The following ADAMTS19 variants were observed in gnomAD, a reference collection of about 807,000 sequenced individuals.
ADAMTS19 encodes A disintegrin and metalloproteinase with thrombospondin motifs 19.
A neutral mutation model predicts 153.3 loss-of-function variants in ADAMTS19; 93 were observed. The ratio of observed to expected loss-of-function variants is 0.61; its 90% CI spans 0.51 to 0.72. The LOEUF (loss-of-function observed/expected upper bound fraction) is 0.72. Among genes scored for constraint, ADAMTS19 ranks in the 30% least tolerant of loss-of-function variants. The pLI is 0.00. For synonymous variants in ADAMTS19, 600 were observed against 556.6 expected (o/e 1.08, Z -1.10); for missense variants, 1,482 against 1,552.1 (o/e 0.95, Z 0.76).
chr5:129,585,299 C>T (rs563951627), intron 7 of ADAMTS19, among the ~76,000 whole-genome samples: 18 of 151,868 alleles, frequency 1.2e-4, no homozygotes, highest in South Asian at 4.2e-4. Context: ...CCACTTTCTG[C>T]GTTGATCTGG....
intron 2 of ADAMTS19, among the ~76,000 whole-genome samples, chr5:129,494,990 C>A (rs1750881708): frequency 6.6e-6 from 1 of 151,962 alleles, no homozygotes; most frequent in African/African-American, 2.4e-5. Flanking sequence ...ACTTTTGAGC[C>A]ATAAGAAAGA....
At position 129,550,077 on chromosome 5, in the gene ADAMTS19, T is replaced by G. The variant is rs537007661; in HGVS notation, c.1329-1787T>G. Among the ~76,000 whole-genome samples the G allele has an allele frequency of 3.7e-4, 39 of 106,608 alleles. 1 individual carries two copies. Among genetic ancestry groups the G allele is most frequent in the African/African-American group, 1.4e-3 (38 of 28,064 alleles). 69.9% of individuals were successfully genotyped at this position (106,608 alleles called of 152,430 possible). Reference sequence around the variant, plus strand: ...GTATATGTATGTATCTAGATATACATATACATGTATCTGTATATGTATGTA... The same window carrying G: ...GTATATGTATGTATCTAGATATACAGATACATGTATCTGTATATGTATGTA... On this transcript the variant is annotated intron_variant, in intron 6 of 22. Coordinates refer to ENST00000274487, the MANE Select transcript of ADAMTS19 (RefSeq NM_133638.6).
intron 6 of ADAMTS19, among the ~76,000 whole-genome samples, chr5:129,548,421 A>G (rs1752942471): frequency 6.6e-6 from 1 of 152,004 alleles, no homozygotes; most frequent in Non-Finnish European, 1.5e-5. Context: ...AAAACACATG[A>G]AAAATGCTCA....
intron 2 of ADAMTS19, among the ~76,000 whole-genome samples, chr5:129,487,459 A>C (rs904623530): frequency 2.0e-5 from 3 of 152,048 alleles, no homozygotes; most frequent in Non-Finnish European, 4.4e-5. Context: ...TTTGAGGTCT[A>C]TTTTTAAATT....
intron 2 of ADAMTS19, among the ~76,000 whole-genome samples, chr5:129,489,960 AT>A (rs2126687580): frequency 6.6e-6 from 1 of 152,344 alleles, no homozygotes; most frequent in South Asian, 2.1e-4. Context: ...GCATTAAATA[AT>A]TTTCTGAACT....
At chr5:129,512,042 G>A (rs1751453156) in intron 3 of ADAMTS19, among the ~76,000 whole-genome samples, 1 of 151,980 alleles carries the variant, frequency 6.6e-6, no homozygotes, top group Non-Finnish European at 1.5e-5. Context: ...ACACAGCCCT[G>A]GAAAAGTGGT....
At position 129,460,377 on chromosome 5, in the gene ADAMTS19, C is replaced by G; in HGVS notation, c.-15C>G. ...GCGTGCGCCGGGCGAGAAGCCGCGG[C>G]CGCGGGAGCGCAGTATGGGGAAGAA... is the stretch of plus-strand genomic sequence containing the variant. On this transcript the variant is annotated 5_prime_UTR_variant, in exon 1 of 23. Coordinates refer to ENST00000274487, the MANE Select transcript of ADAMTS19 (RefSeq NM_133638.6). 1.2e-6 allele frequency: 2 copies of G among 1,610,962 alleles called. No individual in the cohort carries two copies. Among genetic ancestry groups the G allele is most frequent in the Non-Finnish European group, 1.7e-6 (2 of 1,178,832 alleles).
At chr5:129,584,756 C>T (rs1749698022) in intron 7 of ADAMTS19, among the ~76,000 whole-genome samples, 1 of 152,188 alleles carries the variant, frequency 6.6e-6, no homozygotes, top group Non-Finnish European at 1.5e-5. Context: ...CTCCACCAAG[C>T]TTGACCATCC....
intron 2 of ADAMTS19, among the ~76,000 whole-genome samples, chr5:129,474,563 T>C (rs1750165104): frequency 6.6e-6 from 1 of 152,144 alleles, no homozygotes; most frequent in Non-Finnish European, 1.5e-5. Flanking sequence ...CAACAATACT[T>C]GTTTATATAC....
intron 16 of ADAMTS19, among the ~76,000 whole-genome samples, chr5:129,670,938 C>T (rs1754275388): frequency 6.6e-6 from 1 of 152,158 alleles, no homozygotes; most frequent in African/African-American, 2.4e-5. Context: ...ACCGTAAATT[C>T]TCCTTGTGCT....
At chr5:129,626,071 G>T (rs1338647350) in intron 10 of ADAMTS19, among the ~76,000 whole-genome samples, 2 of 152,004 alleles carry the variant, frequency 1.3e-5, no homozygotes, top group African/African-American at 2.4e-5. Flanking sequence ...ATACCATATT[G>T]TCTAGTCCTA....
chr5:129,560,592 A>G (rs545979288), intron 7 of ADAMTS19, among the ~76,000 whole-genome samples: 6 of 152,210 alleles, frequency 3.9e-5, no homozygotes, highest in Non-Finnish European at 7.4e-5. Flanking sequence ...TCAGCTATGC[A>G]TTTAAGATGA....
intron 2 of ADAMTS19, among the ~76,000 whole-genome samples, chr5:129,492,770 A>G (rs1268388852): frequency 1.3e-5 from 2 of 152,302 alleles, no homozygotes; most frequent in South Asian, 2.1e-4. Context: ...AAAGAAACTT[A>G]TCACACACAT....
At chr5:129,527,648 ATGTCT>A in intron 4 of ADAMTS19, 95 bp from the exon 5 acceptor site, 3 of 283,758 alleles carry the variant, frequency 1.1e-5, no homozygotes, top group African/African-American at 2.3e-5. Context: ...AAAAAAAAAG[ATGTCT>A]CAACTAAATT....
At position 129,737,217 on chromosome 5, in the gene ADAMTS19, G is replaced by T; in HGVS notation, c.3641G>T (p.Ter1214LeuextTer17). The T allele has an allele frequency of 6.3e-7, 1 of 1,595,796 alleles. No homozygotes were observed. The highest frequency in any genetic ancestry group is 1.1e-5 in the South Asian group (1 of 89,112). The change falls in exon 23 of 23, where the codon TGA becomes TTA. Residue 1214 changes from the stop codon to leucine (L), a stop_lost. Coordinates refer to ENST00000274487, the MANE Select transcript of ADAMTS19 (RefSeq NM_133638.6). ...FYAQKLQQKS[*>L] The stretch of plus-strand genomic sequence containing the variant: ...GCCCAAAAGCTGCAGCAGAAGAGTT[G>T]ACCTCTAGCAGGCTGGCTGGATCAC...
At chr5:129,655,133 G>A (rs1391090212) in intron 14 of ADAMTS19, among the ~76,000 whole-genome samples, 2 of 152,188 alleles carry the variant, frequency 1.3e-5, no homozygotes, top group Admixed American at 1.3e-4. Context: ...GTGTTTTCAT[G>A]ATCAACATCT....
intron 2 of ADAMTS19, among the ~76,000 whole-genome samples, chr5:129,501,668 T>C (rs2126711142): frequency 6.6e-6 from 1 of 152,246 alleles, no homozygotes; most frequent in Admixed American, 6.5e-5. Context: ...TTTGTGATCT[T>C]AGGAGATAAT....
chr5:129,669,456 C>T (rs1191984618), intron 16 of ADAMTS19, among the ~76,000 whole-genome samples: 1 of 152,114 alleles, frequency 6.6e-6, no homozygotes, highest in Middle Eastern at 3.4e-3. Context: ...ATTATAACAG[C>T]CTCACTTTCA....
intron 11 of ADAMTS19, among the ~76,000 whole-genome samples, chr5:129,645,942 G>A (rs1753044252): frequency 1.6e-5 from 2 of 127,934 alleles, no homozygotes; most frequent in Non-Finnish European, 3.2e-5. Flanking sequence ...AGGCTGGAGT[G>A]CAGTGGCGGG....
Sources: gnomAD v4.1 joint callset for allele counts (sites outside exome capture counted in the v4.1 genomes callset) on GRCh38, gnomAD v4.1.1 for gene constraint, MANE v1.5 for transcripts, NCBI Gene and HGNC (gene_info 2026-07-23, HGNC 2026-07-21) for gene names.